The following ZSCAN25 variants were observed in gnomAD, a reference collection of about 807,000 sequenced individuals.
ZSCAN25 encodes the protein zinc finger and SCAN domain-containing protein 25.
A neutral mutation model predicts 38.7 loss-of-function variants in ZSCAN25; 27 were observed. The observed-to-expected ratio is 0.70, with a 90% confidence interval of 0.51 to 0.96. The LOEUF is 0.96. Ranked by LOEUF, ZSCAN25 falls within the 40% of genes least tolerant of loss-of-function variation. ZSCAN25 has a pLI of 0.00. For missense variants in ZSCAN25, 637 were observed against 705.9 expected (o/e 0.90, Z 1.11); for synonymous variants, 273 against 277.7 (o/e 0.98, Z 0.17).
chr7:99,624,701 C>T (rs951585763), intron 7 of ZSCAN25, among the ~76,000 whole-genome samples: 1 of 152,138 alleles, frequency 6.6e-6, no homozygotes, highest in African/African-American at 2.4e-5. Context: ...AGCAGAGCTG[C>T]GCTGGGACTC....
At chr7:99,655,394 T>C in the ZSCAN25 span, among the ~76,000 whole-genome samples, 3 of 152,322 alleles carry the variant, frequency 2.0e-5, no homozygotes, top group East Asian at 3.9e-4. Context: ...GTTGTAGATA[T>C]GTGGCATTCT....
the ZSCAN25 span, among the ~76,000 whole-genome samples, chr7:99,724,414 T>C: frequency 6.6e-5 from 10 of 152,308 alleles, no homozygotes; most frequent in African/African-American, 2.4e-4. Flanking sequence ...CATTCTTTTA[T>C]ACATCAGTCT....
At chr7:99,638,739 G>A in the ZSCAN25 span, 7 of 1,213,464 alleles carry the variant, frequency 5.8e-6, no homozygotes, top group African/African-American at 1.5e-5. Flanking sequence ...CCTTGTTCCC[G>A]AAGATTTTGC....
In ZSCAN25 at chr7:99,630,737, T is replaced by C; in HGVS notation, c.*717T>C. On this transcript the variant is annotated 3_prime_UTR_variant, in exon 8 of 8. Transcript: ENST00000394152. ...TGTGTCAGGCTATAACATTCTATCCTCATCTGTAAAACTTCCCCGTCCATT... is the reference window on the plus strand; with the variant it reads ...TGTGTCAGGCTATAACATTCTATCCCCATCTGTAAAACTTCCCCGTCCATT... The C allele has an allele frequency of 1.0e-6, 1 of 985,436 alleles. No homozygotes were observed. The highest frequency in any genetic ancestry group is 1.2e-6 in the Non-Finnish European group (1 of 829,942). The allele number at this position is 985,436 out of a possible 1,614,324, so 61.0% of individuals were successfully genotyped here.
At chr7:99,685,349 T>TC in the ZSCAN25 span, 2 of 1,375,852 alleles carry the variant, frequency 1.5e-6, no homozygotes, top group Non-Finnish European at 2.0e-6. Context: ...TTGTGACCAT[T>TC]ACAAACTATG....
the ZSCAN25 span, chr7:99,708,059 A>G: frequency 6.3e-7 from 1 of 1,583,176 alleles, no homozygotes; most frequent in Non-Finnish European, 8.7e-7. Context: ...CTTAGGGCCC[A>G]CCCCTCTACT....
At chr7:99,717,369 A>T in the ZSCAN25 span, 1 of 1,600,562 alleles carries the variant, frequency 6.2e-7, no homozygotes, top group Non-Finnish European at 8.6e-7. Flanking sequence ...TTGTATAATG[A>T]ATTTTATGAT....
chr7:99,679,246 A>G, the ZSCAN25 span, among the ~76,000 whole-genome samples: 1 of 152,138 alleles, frequency 6.6e-6, no homozygotes. Context: ...GGGGCATGGC[A>G]CAGGAAAGAG....
the ZSCAN25 span, among the ~76,000 whole-genome samples, chr7:99,704,278 A>G: frequency 6.6e-6 from 1 of 152,090 alleles, no homozygotes; most frequent in Non-Finnish European, 1.5e-5. Flanking sequence ...TACAAAATAT[A>G]TGTGCTACAA....
the ZSCAN25 span, among the ~76,000 whole-genome samples, chr7:99,699,030 A>G: frequency 6.6e-6 from 1 of 152,180 alleles, no homozygotes; most frequent in Non-Finnish European, 1.5e-5. Flanking sequence ...GTGGAAAGTA[A>G]CTCTTCTCTC....
chr7:99,720,175 A>G, the ZSCAN25 span: 21 of 1,033,914 alleles, frequency 2.0e-5, no homozygotes, highest in East Asian at 5.3e-4. Flanking sequence ...AGATGTTACC[A>G]TGGGGGATGG....
At chr7:99,691,558 C>G in the ZSCAN25 span, among the ~76,000 whole-genome samples, 1 of 152,114 alleles carries the variant, frequency 6.6e-6, no homozygotes, top group South Asian at 2.1e-4. Flanking sequence ...CTAAGGACTG[C>G]TTTATGAATC....
the ZSCAN25 span, among the ~76,000 whole-genome samples, chr7:99,683,263 A>G: frequency 6.6e-6 from 1 of 152,178 alleles, no homozygotes; most frequent in African/African-American, 2.4e-5. Context: ...CTGGCCACTA[A>G]GTGTGCTCAT....
the ZSCAN25 span, chr7:99,680,027 G>T: frequency 1.3e-6 from 1 of 788,796 alleles, no homozygotes. Flanking sequence ...AAAGATTTAT[G>T]TGCTGGAGAA....
At chr7:99,639,020 C>G in the ZSCAN25 span, among the ~76,000 whole-genome samples, 2 of 152,200 alleles carry the variant, frequency 1.3e-5, no homozygotes, top group Non-Finnish European at 2.9e-5. Flanking sequence ...AGGCACGGCC[C>G]GGCTGTCCTG....
the ZSCAN25 span, chr7:99,685,322 C>T: frequency 6.5e-7 from 1 of 1,528,746 alleles, no homozygotes; most frequent in Non-Finnish European, 9.0e-7. Flanking sequence ...AAATGTATTG[C>T]TGACTATGCA....
At chr7:99,620,756 T>C (rs1407788407) in intron 4 of ZSCAN25, 1 of 152,272 alleles carries the variant, frequency 6.6e-6, no homozygotes. Flanking sequence ...TTTTTCTTGC[T>C]CTTTTTAATT....
At chr7:99,644,484 A>C in the ZSCAN25 span, among the ~76,000 whole-genome samples, 1 of 152,168 alleles carries the variant, frequency 6.6e-6, no homozygotes. Flanking sequence ...CCTGAACAGC[A>C]TGAGGGGGAC....
chr7:99,663,954 C>A, the ZSCAN25 span: 1 of 1,575,788 alleles, frequency 6.3e-7, no homozygotes, highest in Non-Finnish European at 8.6e-7. Context: ...CATTTAACCA[C>A]CATCAGATTT....
Sources: gnomAD v4.1 joint callset for allele counts (sites outside exome capture counted in the v4.1 genomes callset) on GRCh38, gnomAD v4.1.1 for gene constraint, MANE v1.5 for transcripts, NCBI Gene and HGNC (gene_info 2026-07-23, HGNC 2026-07-21) for gene names.